Variants in ADGRV1 observed in about 807,000 individuals in gnomAD.
ADGRV1 encodes the protein adhesion G protein-coupled receptor V1.
A neutral mutation model predicts 596.2 loss-of-function variants in ADGRV1; 359 were observed. The observed-to-expected ratio is 0.60, with a 90% CI of 0.55 to 0.66. ADGRV1 has a LOEUF of 0.66. Ranked by LOEUF, ADGRV1 falls within the 30% of genes least tolerant of loss-of-function variation. ADGRV1 has a pLI of 0.00. For synonymous variants in ADGRV1, 2,681 were observed against 2,679.2 expected (o/e 1.00, Z -0.02); for missense variants, 7,274 against 7,575.6 (o/e 0.96, Z 1.48).
chr5:91,065,791 G>A lies in ADGRV1; in HGVS notation c.18153-6656G>A, dbSNP rs57491717. Among the ~76,000 whole-genome samples, 39 of 152,312 alleles carry A rather than the reference G, an allele frequency of 2.6e-4. No individual in the cohort carries two copies. The East Asian group carries it at 6.2e-3, about 24-fold the overall frequency. On this transcript the variant is annotated intron_variant, in intron 85 of 89. Transcript: ENST00000405460. ...TGAGTTAAAGCATTGGGAATGCTCC[G>A]AGGGTAGACTCAGAGGAGGAAAAAC...
At position 90,815,709 on chromosome 5, in the gene ADGRV1, A is replaced by G. The variant is rs1230798023; in HGVS notation, c.16169A>G (p.His5390Arg). The change falls in exon 75 of 90, where the codon CAC (histidine) becomes CGC (arginine). Residue 5390 changes from histidine to arginine, a missense_variant. His to Arg is a conservative substitution (Grantham distance 29). Coordinates refer to ENST00000405460, the MANE Select transcript of ADGRV1 (RefSeq NM_032119.4). ...GAAGGAGCTGTTATGAGAAGATTGC[A>G]CCTTATTGTCACAAGACAGCCAAAC... ...LREGAVMRRL[H>R]LIVTRQPNRA... The G allele has an allele frequency of 6.4e-7, 1 of 1,565,216 alleles. No individual in the cohort carries two copies. Among genetic ancestry groups the G allele is most frequent in the African/African-American group, 1.4e-5 (1 of 73,832 alleles).
chr5:90,712,689 T>C (rs1207971976), intron 42 of ADGRV1, among the ~76,000 whole-genome samples: 1 of 152,164 alleles, frequency 6.6e-6, no homozygotes, highest in Non-Finnish European at 1.5e-5. Flanking sequence ...ATTGTAGGAT[T>C]ATTTAATTTG....
At chr5:91,006,780 A>G (rs1015742731) in intron 85 of ADGRV1, among the ~76,000 whole-genome samples, 2 of 152,166 alleles carry the variant, frequency 1.3e-5, no homozygotes, top group Non-Finnish European at 2.9e-5. Flanking sequence ...AAATACGGGT[A>G]TGATAATTGG....
intron 85 of ADGRV1, among the ~76,000 whole-genome samples, chr5:91,000,530 CAA>C (rs1240961109): frequency 6.6e-6 from 1 of 152,046 alleles, no homozygotes; most frequent in African/African-American, 2.4e-5. Context: ...TCTCCCAACG[CAA>C]GAGCTAGTTA....
chr5:91,004,314 G>A (rs191906227), intron 85 of ADGRV1, among the ~76,000 whole-genome samples: 239 of 152,026 alleles, frequency 1.6e-3, no homozygotes, highest in Middle Eastern at 6.8e-3. Flanking sequence ...TTTCGTAATG[G>A]AAAACAAATG....
intron 85 of ADGRV1, among the ~76,000 whole-genome samples, chr5:90,994,851 T>C (rs1366343661): frequency 6.6e-6 from 1 of 152,234 alleles, no homozygotes; most frequent in Non-Finnish European, 1.5e-5. Context: ...GAGATTTCCT[T>C]AAATGCCTGT....
chr5:90,578,574 T>G (rs186257129), intron 1 of ADGRV1, among the ~76,000 whole-genome samples: 1,680 of 152,268 alleles, frequency 0.011, 28 homozygotes, highest in African/African-American at 0.039. Flanking sequence ...TAAAATTCTC[T>G]TTTTTTGTTG....
At chr5:90,973,342 A>C (rs1483683442) in intron 84 of ADGRV1, among the ~76,000 whole-genome samples, 3 of 152,332 alleles carry the variant, frequency 2.0e-5, no homozygotes, top group Admixed American at 1.3e-4. Context: ...ATCCTCCCTA[A>C]CTCATTTTAT....
chr5:90,755,686 G>T (rs1224796521), intron 55 of ADGRV1, among the ~76,000 whole-genome samples: 2 of 151,696 alleles, frequency 1.3e-5, no homozygotes, highest in African/African-American at 4.8e-5. Context: ...AACAGAGAAA[G>T]AGAGGGGGAG....
chr5:91,082,117 T>A (rs1279675441), intron 86 of ADGRV1, among the ~76,000 whole-genome samples: 2 of 152,230 alleles, frequency 1.3e-5, no homozygotes, highest in African/African-American at 4.8e-5. Flanking sequence ...GATGTTGTTG[T>A]TTAGGTGTGT....
intron 48 of ADGRV1, among the ~76,000 whole-genome samples, chr5:90,727,137 G>T (rs896687967): frequency 3.9e-5 from 6 of 152,070 alleles, no homozygotes; most frequent in Non-Finnish European, 7.4e-5. Context: ...GCCCAGGCTT[G>T]AGTGCAGTGC....
chr5:90,711,839 C>T (rs555845752), intron 41 of ADGRV1, among the ~76,000 whole-genome samples: 42 of 152,178 alleles, frequency 2.8e-4, no homozygotes, highest in African/African-American at 7.9e-4. Context: ...TGCAGTGGTG[C>T]GATCTCGGCT....
chr5:90,676,063 A>C lies in ADGRV1; in HGVS notation c.5314-17A>C, dbSNP rs553870767. The C allele has an allele frequency of 7.0e-6, 11 of 1,575,982 alleles. No homozygotes were observed. The African/African-American group carries it at 1.4e-4, about 19-fold the overall frequency. ...CAGAATGATTGTAATCTAATGGATCAGTCTTTTATATTTCAGAATGTTGCT... is the reference window on the plus strand; with the variant it reads ...CAGAATGATTGTAATCTAATGGATCCGTCTTTTATATTTCAGAATGTTGCT... On this transcript the variant is annotated splice_polypyrimidine_tract_variant and intron_variant, in intron 24 of 89. Transcript: ENST00000405460.
chr5:90,764,105 C>T (rs1016889221), intron 59 of ADGRV1, among the ~76,000 whole-genome samples: 4 of 152,162 alleles, frequency 2.6e-5, no homozygotes, highest in African/African-American at 9.7e-5. Flanking sequence ...GTACCAACTT[C>T]TAGTCCTGAG....
intron 83 of ADGRV1, among the ~76,000 whole-genome samples, chr5:90,869,512 C>T (rs1241952230): frequency 1.3e-5 from 2 of 152,190 alleles, no homozygotes; most frequent in Non-Finnish European, 2.9e-5. Context: ...GTAAGAGACT[C>T]TAATTAGGGA....
chr5:90,694,756 A>G, intron 33 of ADGRV1, 55 bp downstream of exon 33: 1 of 1,384,148 alleles, frequency 7.2e-7, no homozygotes, highest in African/African-American at 1.5e-5. Context: ...ATCATAGTCC[A>G]TTTTTATGAT....
intron 88 of ADGRV1, among the ~76,000 whole-genome samples, chr5:91,152,313 A>G (rs759638675): frequency 6.6e-6 from 1 of 152,222 alleles, no homozygotes; most frequent in Non-Finnish European, 1.5e-5. Flanking sequence ...TAATCATTCA[A>G]TCAAAAACAA....
intron 52 of ADGRV1, among the ~76,000 whole-genome samples, chr5:90,748,309 T>C (rs1754851681): frequency 6.6e-6 from 1 of 152,222 alleles, no homozygotes; most frequent in Non-Finnish European, 1.5e-5. Context: ...GTGCCTCATA[T>C]GTAAATTTAA....
chr5:90,651,590 C>T lies in ADGRV1; in HGVS notation c.3290-14C>T. ...TACTTCTTTGTTATTTTGTCTTTTC[C>T]ACTTTTAATTTAGGTGATACAGTAG... On this transcript the variant is annotated splice_polypyrimidine_tract_variant and intron_variant, in intron 17 of 89. Transcript: ENST00000405460. The T allele has an allele frequency of 6.9e-7, 1 of 1,443,644 alleles. No individual in the cohort carries two copies. The highest frequency in any genetic ancestry group is 9.4e-7 in the Non-Finnish European group (1 of 1,068,154). The allele number at this position is 1,443,644 out of a possible 1,614,324, so 89.4% of individuals were successfully genotyped here. A position where few individuals can be genotyped will look rare whatever the true frequency, so the allele number is the denominator to read the frequency against.
Sources: allele counts gnomAD v4.1 joint callset (sites outside exome capture counted in the v4.1 genomes callset), GRCh38; gene constraint gnomAD v4.1.1; transcripts MANE v1.5; gene names NCBI Gene and HGNC (gene_info 2026-07-23, HGNC 2026-07-21).